Variants in BLTP3B observed in about 807,000 individuals in gnomAD.
The protein encoded by BLTP3B is bridge-like lipid transfer protein family member 3B.
the BLTP3B span, among the ~76,000 whole-genome samples, chr12:100,138,928 T>G: frequency 2.0e-5 from 3 of 152,186 alleles, no homozygotes; most frequent in Non-Finnish European, 2.9e-5. Flanking sequence ...TTTATTTCCT[T>G]TCTCACATTT....
At chr12:100,110,343 G>C in the BLTP3B span, among the ~76,000 whole-genome samples, 10 of 152,152 alleles carry the variant, frequency 6.6e-5, no homozygotes, top group African/African-American at 2.4e-4. Context: ...ACATGTATTT[G>C]ACCAATGATG....
At chr12:100,111,943 T>C in the BLTP3B span, among the ~76,000 whole-genome samples, 1 of 152,034 alleles carries the variant, frequency 6.6e-6, no homozygotes, top group Admixed American at 6.6e-5. Flanking sequence ...GGACTCACTA[T>C]GTTGCTCAGG....
the BLTP3B span, among the ~76,000 whole-genome samples, chr12:100,091,421 C>T: frequency 4.0e-5 from 6 of 151,708 alleles, no homozygotes; most frequent in Non-Finnish European, 7.4e-5. Context: ...AACTCCTGAC[C>T]TTGGGATCTG....
the BLTP3B span, chr12:100,039,866 T>A: frequency 7.4e-7 from 1 of 1,343,342 alleles, no homozygotes; most frequent in Non-Finnish European, 9.9e-7. Flanking sequence ...TGTGAAAATC[T>A]AATTTAAAAC....
the BLTP3B span, among the ~76,000 whole-genome samples, chr12:100,062,401 A>C: frequency 6.6e-6 from 1 of 152,246 alleles, no homozygotes; most frequent in Non-Finnish European, 1.5e-5. Flanking sequence ...TGTTCAAAAC[A>C]GAGATAATGA....
the BLTP3B span, among the ~76,000 whole-genome samples, chr12:100,068,221 A>G: frequency 6.6e-6 from 1 of 152,244 alleles, no homozygotes; most frequent in South Asian, 2.1e-4. Context: ...GATCTTCAAC[A>G]AGGCAAACAA....
At chr12:100,118,294 A>C in the BLTP3B span, among the ~76,000 whole-genome samples, 1 of 152,098 alleles carries the variant, frequency 6.6e-6, no homozygotes, top group East Asian at 1.9e-4. Context: ...CAGGAGGCTG[A>C]GGCAGGAGGA....
the BLTP3B span, among the ~76,000 whole-genome samples, chr12:100,061,253 T>C: frequency 6.6e-6 from 1 of 152,178 alleles, no homozygotes; most frequent in Admixed American, 6.5e-5. Context: ...TTGATGATGG[T>C]AGTCACAGAG....
the BLTP3B span, among the ~76,000 whole-genome samples, chr12:100,080,073 G>A: frequency 3.7e-4 from 56 of 152,300 alleles, no homozygotes; most frequent in Non-Finnish European, 6.6e-4. Flanking sequence ...CAGGGGTGGG[G>A]CCCTCATGGA....
chr12:100,062,796 T>C, the BLTP3B span, among the ~76,000 whole-genome samples: 1 of 151,770 alleles, frequency 6.6e-6, no homozygotes. Context: ...ATCTTGTATC[T>C]ACAAAAAATT....
At chr12:100,097,738 T>C in the BLTP3B span, among the ~76,000 whole-genome samples, 1 of 152,194 alleles carries the variant, frequency 6.6e-6, no homozygotes, top group Non-Finnish European at 1.5e-5. Flanking sequence ...ATCTAAGTAA[T>C]TCAGTTAATG....
At chr12:100,058,723 G>A in the BLTP3B span, 1 of 1,613,930 alleles carries the variant, frequency 6.2e-7, no homozygotes, top group Non-Finnish European at 8.5e-7. Flanking sequence ...TGACTAGCAG[G>A]ACTGCCAGTT....
chr12:100,057,610 C>T, the BLTP3B span: 1 of 1,611,252 alleles, frequency 6.2e-7, no homozygotes, highest in Non-Finnish European at 8.5e-7. Flanking sequence ...CCATCACTTT[C>T]TAATAACTGT....
At chr12:100,081,930 T>C in the BLTP3B span, among the ~76,000 whole-genome samples, 12 of 152,222 alleles carry the variant, frequency 7.9e-5, 1 homozygote, top group South Asian at 1.7e-3. Context: ...ATATACCCAG[T>C]AATGGGATTG....
chr12:100,053,084 C>T, the BLTP3B span, among the ~76,000 whole-genome samples: 3 of 151,744 alleles, frequency 2.0e-5, no homozygotes, highest in African/African-American at 4.8e-5. Context: ...TAAACCACTG[C>T]GCTCGGCCAA....
At chr12:100,042,986 C>T in the BLTP3B span, among the ~76,000 whole-genome samples, 6 of 152,044 alleles carry the variant, frequency 3.9e-5, no homozygotes, top group Admixed American at 3.9e-4. Context: ...TTTTAACAGA[C>T]AAGGGTTTCA....
the BLTP3B span, chr12:100,037,717 A>G: frequency 6.2e-7 from 1 of 1,610,582 alleles, no homozygotes; most frequent in Non-Finnish European, 8.5e-7. Context: ...TTTTAGCTTT[A>G]GCCAGTTCCT....
At chr12:100,099,863 C>T in the BLTP3B span, among the ~76,000 whole-genome samples, 10 of 149,734 alleles carry the variant, frequency 6.7e-5, no homozygotes, top group South Asian at 2.1e-4. Flanking sequence ...AGGAGGTTGA[C>T]GCTGCAGTGA....
chr12:100,125,666 C>T, the BLTP3B span, among the ~76,000 whole-genome samples: 1 of 152,044 alleles, frequency 6.6e-6, no homozygotes, highest in Non-Finnish European at 1.5e-5. Context: ...AAAATATGGG[C>T]ATCCAGATTT....
Sources: allele counts gnomAD v4.1 joint callset (sites outside exome capture counted in the v4.1 genomes callset), GRCh38; gene constraint gnomAD v4.1.1; transcripts MANE v1.5; gene names NCBI Gene and HGNC (gene_info 2026-07-23, HGNC 2026-07-21).